NPC1: variants seen among roughly 807,000 people sequenced by gnomAD.
NPC1 encodes NPC intracellular cholesterol transporter 1, also known as Niemann-Pick C1 protein.
In NPC1, 85 loss-of-function variants were observed where a neutral mutation model predicts 140.4. The ratio of observed to expected loss-of-function variants is 0.61; its 90% CI spans 0.51 to 0.72. The LOEUF (loss-of-function observed/expected upper bound fraction) is 0.72. Ranked by LOEUF, NPC1 falls within the 30% of genes least tolerant of loss-of-function variation. The pLI is 0.00. For synonymous variants in NPC1, 656 were observed against 624.8 expected (o/e 1.05, Z -0.74); for missense variants, 1,504 against 1,623.8 (o/e 0.93, Z 1.27).
chr18:23,536,953 G>T, intron 20 of NPC1, 77 bp from the exon 21 acceptor site: 1 of 1,192,560 alleles, frequency 8.4e-7, no homozygotes, highest in East Asian at 2.4e-5. Context: ...TTGAGGCTAA[G>T]CAAAATCACC....
intron 18 of NPC1, 141 bp from the exon 19 acceptor site, chr18:23,539,611 A>G: frequency 1.3e-6 from 1 of 793,400 alleles, no homozygotes; most frequent in Non-Finnish European, 2.1e-6. Flanking sequence ...GCACTTAATG[A>G]AAAAAGCCTT....
At chr18:23,524,305 CTG>C, downstream of NPC1, 1 of 1,481,310 alleles carries the variant, frequency 6.8e-7, no homozygotes, top group South Asian at 1.1e-5. Context: ...GCTTCCCTGA[CTG>C]TCCAGGGGCC....
At chr18:23,516,751 A>T in intron 3 of NPC1, among the ~76,000 whole-genome samples, 2 of 143,580 alleles carry the variant, frequency 1.4e-5, no homozygotes, top group Admixed American at 7.0e-5. Context: ...TTCGAGACAG[A>T]GTCTTGTTCT....
At chr18:23,546,723 T>C (rs1232186775) in intron 11 of NPC1, among the ~76,000 whole-genome samples, 1 of 152,242 alleles carries the variant, frequency 6.6e-6, no homozygotes, top group Non-Finnish European at 1.5e-5. Flanking sequence ...GAGAATATTA[T>C]GTTCAATGAT....
At position 23,541,138 on chromosome 18, in the gene NPC1, C is replaced by T. The variant is rs1293463478; in HGVS notation, c.2444G>A (p.Ser815Asn). The T allele has an allele frequency of 6.2e-7, 1 of 1,614,178 alleles. No homozygotes were observed. Among genetic ancestry groups the T allele is most frequent in the Non-Finnish European group, 8.5e-7 (1 of 1,180,024 alleles). Residue 815 changes from serine to asparagine, a missense_variant, in exon 16 of 25, where the codon AGC (serine) becomes AAC (asparagine). Transcript: ENST00000269228. ...EDGTSVQASE[S>N]CLFRFFKNSY... ...GTTTTTGAAGAAGCGAAACAAACAG[C>T]TCTCTGAGGCCTGGACGCTTGTTCC...
chr18:23,561,079 G>A (rs1567970147), intron 5 of NPC1, among the ~76,000 whole-genome samples: 6 of 152,164 alleles, frequency 3.9e-5, no homozygotes, highest in South Asian at 2.1e-4. Flanking sequence ...TGGGATGATC[G>A]TAACTCACTG....
rs1445395151 is a variant in NPC1, at chr18:23,541,308, C to G, written c.2371G>C (p.Glu791Gln). The change falls in exon 15 of 25, where the codon GAG (glutamate) becomes CAG (glutamine). Residue 791 changes from glutamate (E) to glutamine (Q), a missense_variant and splice_region_variant. Coordinates refer to ENST00000269228, the MANE Select transcript of NPC1 (RefSeq NM_000271.5). ...SLLGLDIKRQ[E>Q]KNRLDIFCCV... ...CTATAATCCTGGCACCAACTTACCT[C>G]TTGACGTTTAATGTCTAACCCCAAG... The G allele has an allele frequency of 1.9e-6, 3 of 1,614,240 alleles. No homozygotes were observed. The highest frequency in any genetic ancestry group is 2.5e-6 in the Non-Finnish European group (3 of 1,180,050).
At chr18:23,533,268 A>G in intron 24 of NPC1, 87 bp downstream of exon 24, 1 of 1,335,056 alleles carries the variant, frequency 7.5e-7, no homozygotes, top group East Asian at 2.3e-5. Flanking sequence ...GTATGAGTTC[A>G]AATACTTGAA....
At position 23,544,437 on chromosome 18, in the gene NPC1, C is replaced by T; in HGVS notation, c.2037G>A (p.Gly679=). 1 of 1,614,134 alleles carries T rather than the reference C, an allele frequency of 6.2e-7. No homozygotes were observed. Among genetic ancestry groups the T allele is most frequent in the Non-Finnish European group, 8.5e-7 (1 of 1,180,008 alleles). ...CAATCACAATGAGGGTCAAGGGCAACCCAATGTAGCTGAAGACACCCAAGG... is the reference window on the plus strand; with the variant it reads ...CAATCACAATGAGGGTCAAGGGCAATCCAATGTAGCTGAAGACACCCAAGG... ...ACSLGVFSYI[G]LPLTLIVIEV... The change falls in exon 13 of 25, where the codon GGG becomes GGA. Residue 679 remains glycine (G), a synonymous_variant. Coordinates refer to ENST00000269228, the MANE Select transcript of NPC1 (RefSeq NM_000271.5).
downstream of NPC1, among the ~76,000 whole-genome samples, chr18:23,519,351 A>G (rs541251395): frequency 2.0e-5 from 3 of 152,134 alleles, no homozygotes; most frequent in East Asian, 3.9e-4. Flanking sequence ...AACCCCACCT[A>G]TATAAAAAAT....
chr18:23,556,142 G>A, intron 8 of NPC1, 101 bp downstream of exon 8: 1 of 1,046,902 alleles, frequency 9.6e-7, no homozygotes, highest in Non-Finnish European at 1.5e-6. Flanking sequence ...GATATACCAT[G>A]ACATTCAGCC....
At chr18:23,540,424 A>G (rs1415136524) in intron 17 of NPC1, 24 bp downstream of exon 17, 8 of 1,455,542 alleles carry the variant, frequency 5.5e-6, no homozygotes, top group Middle Eastern at 1.7e-4. Context: ...AGTTAAAAAA[A>G]AAAAAAAAAG....
chr18:23,569,102 C>T, intron 3 of NPC1, 104 bp from the exon 4 acceptor site: 7 of 799,782 alleles, frequency 8.8e-6, no homozygotes, highest in Non-Finnish European at 1.4e-5. Flanking sequence ...TGTAAAGTGA[C>T]AAATTACCAA....
intron 9 of NPC1, among the ~76,000 whole-genome samples, chr18:23,554,210 A>AC (rs2058915930): frequency 2.0e-5 from 3 of 151,338 alleles, no homozygotes; most frequent in South Asian, 2.1e-4. Flanking sequence ...TAAGCAATGC[A>AC]CCCCCCACTC....
intron 11 of NPC1, among the ~76,000 whole-genome samples, chr18:23,547,613 G>A (rs2058807497): frequency 6.6e-6 from 1 of 152,096 alleles, no homozygotes; most frequent in South Asian, 2.1e-4. Flanking sequence ...GTGATGGCAT[G>A]CACGTGTAGT....
chr18:23,518,880 C>A, downstream of NPC1: 1 of 1,613,198 alleles, frequency 6.2e-7, no homozygotes, highest in Non-Finnish European at 8.5e-7. Flanking sequence ...TCTGTTTGTT[C>A]CCTAATTAGA....
At chr18:23,565,108 GTTCT>G (rs977382170) in intron 4 of NPC1, among the ~76,000 whole-genome samples, 3 of 152,090 alleles carry the variant, frequency 2.0e-5, no homozygotes, top group African/African-American at 7.2e-5. Flanking sequence ...TTCCTATTTT[GTTCT>G]TTTTTCAGGG....
At chr18:23,515,375 A>G (rs1203975877) in intron 3 of NPC1, among the ~76,000 whole-genome samples, 1 of 152,166 alleles carries the variant, frequency 6.6e-6, no homozygotes, top group Non-Finnish European at 1.5e-5. Flanking sequence ...GCAAAGAGTA[A>G]ATGAGTTAGG....
chr18:23,541,582 G>A, intron 14 of NPC1, 149 bp from the exon 15 acceptor site: 1 of 1,029,690 alleles, frequency 9.7e-7, no homozygotes, highest in Non-Finnish European at 1.5e-6. Flanking sequence ...TACACCAGAA[G>A]TGGGACAGGA....
Sources: allele counts gnomAD v4.1 joint callset (sites outside exome capture counted in the v4.1 genomes callset), GRCh38; gene constraint gnomAD v4.1.1; transcripts MANE v1.5; gene names NCBI Gene and HGNC (gene_info 2026-07-23, HGNC 2026-07-21).